POSTN: variants seen among roughly 807,000 people sequenced by gnomAD.
The protein encoded by POSTN is osteoblast specific factor 2 (fasciclin I-like).
Under a neutral mutation model 104.5 loss-of-function variants are expected in POSTN, and 71 were observed. The observed-to-expected ratio is 0.68, with a 90% CI of 0.56 to 0.83. POSTN has a LOEUF of 0.83. Ranked by LOEUF, POSTN falls within the 40% of genes least tolerant of loss-of-function variation. The probability of loss-of-function intolerance (pLI) is 0.00; values close to 1 mark genes in which losing one functional copy is unlikely to be tolerated. For missense variants in POSTN, 949 were observed against 1,006.8 expected (o/e 0.94, Z 0.78); for synonymous variants, 355 against 340.7 (o/e 1.04, Z -0.46).
chr13:37,577,712 T>C, intron 16 of POSTN, 41 bp downstream of exon 16: 1 of 1,599,998 alleles, frequency 6.3e-7, no homozygotes, highest in Non-Finnish European at 8.5e-7. Context: ...TCTTTTTTCA[T>C]ACCTTGCCAC....
At position 37,586,182 on chromosome 13, in the gene POSTN, T is replaced by A. The variant is rs1229743752; in HGVS notation, c.852A>T (p.Arg284=). 2 of 1,613,726 alleles carry A rather than the reference T, an allele frequency of 1.2e-6. No homozygotes were observed. The highest frequency in any genetic ancestry group is 4.5e-5 in the East Asian group (2 of 44,882). Residue 284 remains arginine, a synonymous_variant, in exon 7 of 23, where the codon CGA becomes CGT. Transcript: ENST00000379747. ...CTCCCATGATCCTTTCTAGGACACCTCGTGGAAGTTTCTCAAAAGCCTCAT... is the reference window on the plus strand; with the variant it reads ...CTCCCATGATCCTTTCTAGGACACCACGTGGAAGTTTCTCAAAAGCCTCAT... ...PTNEAFEKLP[R]GVLERIMGDK... is the part of the protein sequence containing the mutation.
chr13:37,598,163 T>G (rs1951138477), intron 1 of POSTN, among the ~76,000 whole-genome samples: 1 of 152,188 alleles, frequency 6.6e-6, no homozygotes, highest in Admixed American at 6.6e-5. Flanking sequence ...CATTACCCAG[T>G]ATTTAACCTT....
rs533781085 is a variant in POSTN, at chr13:37,568,445, G to C, written c.2431+855C>G. On this transcript the variant is annotated intron_variant, in intron 21 of 22. Transcript: ENST00000379747. ...GAAAAGCCATCTGGACTGTGTTTTG[G>C]ATAAACATCAAACTTCAGTTATGTT... 2.6e-5 allele frequency among the ~76,000 whole-genome samples: 4 copies of C among 152,048 alleles called. No individual in the cohort carries two copies. The South Asian group carries it at 8.3e-4, about 32-fold the overall frequency.
In POSTN at chr13:37,578,726, G is replaced by A. The variant is rs1042237081; in HGVS notation, c.1962+118C>T. 9.3e-5 allele frequency: 76 copies of A among 813,546 alleles called. No homozygotes were observed. In the Admixed American group the frequency reaches 1.8e-3, roughly 20 times the overall value. 50.4% of individuals were successfully genotyped at this position (813,546 alleles called of 1,614,324 possible). ...AGGCAGGAGAATGGAGTGAACATGG[G>A]AGGCGGAGCTTGCAGTGAGCTGAGA... is the stretch of plus-strand genomic sequence containing the variant. On this transcript the variant is annotated intron_variant, in intron 15 of 22. Coordinates refer to ENST00000379747, the MANE Select transcript of POSTN (RefSeq NM_006475.3).
Position 37,579,212 on chromosome 13 carries a change from C to A in POSTN, c.1791+17G>T, listed in dbSNP as rs1418752373. On this transcript the variant is annotated intron_variant, in intron 13 of 22. Transcript: ENST00000379747. Reference sequence around the variant, plus strand: ...TGATGGATGAACACTATCATAAATTCATTCTAGACAACTTACTTCTTTCAG... The same window carrying A: ...TGATGGATGAACACTATCATAAATTAATTCTAGACAACTTACTTCTTTCAG... The A allele has an allele frequency of 1.2e-6, 2 of 1,609,338 alleles. No individual in the cohort carries two copies. The highest frequency in any genetic ancestry group is 1.1e-5 in the South Asian group (1 of 90,922).
At position 37,563,202 on chromosome 13, in the gene POSTN, TCAGA is replaced by T; in HGVS notation, c.*127_*130del. 2.0e-6 allele frequency: 1 copy of T among 491,416 alleles called. No individual in the cohort carries two copies. 30.4% of individuals were successfully genotyped at this position (491,416 alleles called of 1,614,324 possible). A position where few individuals can be genotyped will look rare whatever the true frequency, so the allele number is the denominator to read the frequency against. On this transcript the variant is annotated 3_prime_UTR_variant, in exon 23 of 23. Transcript: ENST00000379747. ...AGAAAAAAAAATATTAAATTTGTGT[TCAGA>T]ATTATTTGATGATTGCTTCTTTGTG...
chr13:37,563,200 G>T lies in POSTN; in HGVS notation c.*133C>A. ...TCAGAAAAAAAAATATTAAATTTGT[G>T]TTCAGAATTATTTGATGATTGCTTC... On this transcript the variant is annotated 3_prime_UTR_variant, in exon 23 of 23. Transcript: ENST00000379747. 2.1e-6 allele frequency: 1 copy of T among 482,770 alleles called. No individual in the cohort carries two copies. 29.9% of individuals were successfully genotyped at this position (482,770 alleles called of 1,614,324 possible).
rs1950894079 is a variant in POSTN at position 37,590,428 on chromosome 13, T to C, written c.385A>G (p.Lys129Glu). Reference protein sequence around the residue: ...ASKLREEIEGKGSFTYFAPSN... With the variant: ...ASKLREEIEGEGSFTYFAPSN... Reference sequence around the variant, plus strand: ...GGTGCAAAGTAAGTGAAGGATCCCTTTCCCTCGATCTCCTCCCTCAGTTTT... The same window carrying C: ...GGTGCAAAGTAAGTGAAGGATCCCTCTCCCTCGATCTCCTCCCTCAGTTTT... The change falls in exon 4 of 23, where the codon AAG (lysine) becomes GAG (glutamate). Residue 129 changes from lysine (K) to glutamate (E), a missense_variant. Lys to Glu is a moderately conservative substitution (Grantham distance 56). Coordinates refer to ENST00000379747, the MANE Select transcript of POSTN (RefSeq NM_006475.3). The C allele has an allele frequency of 1.2e-6, 2 of 1,611,668 alleles. No individual in the cohort carries two copies. Among genetic ancestry groups the C allele is most frequent in the African/African-American group, 1.3e-5 (1 of 74,910 alleles).
intron 17 of POSTN, among the ~76,000 whole-genome samples, chr13:37,572,260 G>C (rs930888631): frequency 5.3e-5 from 8 of 151,654 alleles, no homozygotes; most frequent in African/African-American, 1.9e-4. Context: ...GAATGCAACT[G>C]TTGCTTGCTT....
rs777024371 is a variant in POSTN, at chr13:37,584,067, G to C, written c.1145C>G (p.Thr382Ser). 1.2e-6 allele frequency: 2 copies of C among 1,613,880 alleles called. No individual in the cohort carries two copies. Among genetic ancestry groups the C allele is most frequent in the East Asian group, 4.5e-5 (2 of 44,858 alleles). ...QVIELAGKQQTTFTDLVAQLG... is the reference protein window; with the variant it reads ...QVIELAGKQQSTFTDLVAQLG... ...TTGGGCCACAAGATCCGTGAAGGTG[G>C]TTTGCTGTTTTCCAGCCAGCTCAAT... is the stretch of plus-strand genomic sequence containing the variant. The change falls in exon 9 of 23, where the codon ACC becomes AGC. Residue 382 changes from threonine (T) to serine (S), a missense_variant. Physicochemically the swap from Thr to Ser is moderately conservative, Grantham distance 58 (BLOSUM62 1). Transcript: ENST00000379747.
intron 22 of POSTN, among the ~76,000 whole-genome samples, chr13:37,563,658 T>G (rs111608105): frequency 6.6e-6 from 1 of 152,220 alleles, no homozygotes; most frequent in African/African-American, 2.4e-5. Context: ...AAAATATCTG[T>G]GCAGTTGATC....
intron 21 of POSTN, among the ~76,000 whole-genome samples, chr13:37,567,587 T>C (rs1950151541): frequency 6.6e-6 from 1 of 152,150 alleles, no homozygotes; most frequent in Non-Finnish European, 1.5e-5. Flanking sequence ...GGAGAAATGA[T>C]TTGATAAAAA....
Position 37,587,947 on chromosome 13 carries a change from A to T in POSTN, c.481T>A (p.Leu161Ile). Residue 161 changes from leucine to isoleucine, a missense_variant, in exon 5 of 23, where the codon TTA becomes ATA. By Grantham distance (5) the Leu-to-Ile change is conservative (BLOSUM62 2). Coordinates refer to ENST00000379747, the MANE Select transcript of POSTN (RefSeq NM_006475.3). ...ATGTGACTATGTAAAGCATTCAGTA[A>T]TTCAACATTCACGTTGCTCTCCAAA... The part of the protein sequence containing the change: ...RGLESNVNVE[L>I]LNALHSHMIN... The T allele has an allele frequency of 6.2e-7, 1 of 1,604,504 alleles. No homozygotes were observed. Among genetic ancestry groups the T allele is most frequent in the Non-Finnish European group, 8.5e-7 (1 of 1,172,600 alleles).
chr13:37,563,261 G>A lies in POSTN; in HGVS notation c.*72C>T. On this transcript the variant is annotated 3_prime_UTR_variant, in exon 23 of 23. Coordinates refer to ENST00000379747, the MANE Select transcript of POSTN (RefSeq NM_006475.3). ...TGTTTCAGTTCCTGAAGTCAACTTGGCTCTCACAATTTTCTAAGGTCAGGT... is the reference window on the plus strand; with the variant it reads ...TGTTTCAGTTCCTGAAGTCAACTTGACTCTCACAATTTTCTAAGGTCAGGT... 2.0e-6 allele frequency: 2 copies of A among 980,992 alleles called. No individual in the cohort carries two copies. Among genetic ancestry groups the A allele is most frequent in the South Asian group, 1.7e-5 (1 of 57,624 alleles). The allele number at this position is 980,992 out of a possible 1,614,324, so 60.8% of individuals were successfully genotyped here. A position where few individuals can be genotyped will look rare whatever the true frequency, so the allele number is the denominator to read the frequency against.
At chr13:37,567,011 C>T (rs1034439044) in intron 21 of POSTN, among the ~76,000 whole-genome samples, 4 of 150,758 alleles carry the variant, frequency 2.7e-5, no homozygotes, top group Non-Finnish European at 4.4e-5. Context: ...CCGAGGCGGG[C>T]GGATCACGAG....
rs372244963 is a variant in POSTN, at chr13:37,574,588, A to G, written c.2073T>C (p.Pro691=). Residue 691 remains proline, a synonymous_variant, in exon 17 of 23, where the codon CCT becomes CCC. Coordinates refer to ENST00000379747, the MANE Select transcript of POSTN (RefSeq NM_006475.3). ...GATTTTTACCTTCAGTTTTGATAATAGGCTGAAGACTGCCTTCAATCACTT... is the reference window on the plus strand; with the variant it reads ...GATTTTTACCTTCAGTTTTGATAATGGGCTGAAGACTGCCTTCAATCACTT... ...KIKVIEGSLQ[P]IIKTEGPTLT... 5 of 1,593,648 alleles carry G rather than the reference A, an allele frequency of 3.1e-6. No individual in the cohort carries two copies. Among genetic ancestry groups the G allele is most frequent in the Non-Finnish European group, 4.3e-6 (5 of 1,173,726 alleles).
intron 4 of POSTN, among the ~76,000 whole-genome samples, chr13:37,588,898 G>A (rs1950839777): frequency 6.6e-6 from 1 of 152,156 alleles, no homozygotes; most frequent in African/African-American, 2.4e-5. Flanking sequence ...GCTTCAGGAA[G>A]GTTGAGTGGT....
rs781144049 is a variant in POSTN at position 37,598,746 on chromosome 13, G to T, written c.-20C>A. ...AATCATCTTGAGTCTCTCCGTTGCAGTTAGTCCCCGAAGAGAACTGGCAGT... is the reference window on the plus strand; with the variant it reads ...AATCATCTTGAGTCTCTCCGTTGCATTTAGTCCCCGAAGAGAACTGGCAGT... On this transcript the variant is annotated 5_prime_UTR_variant, in exon 1 of 23. In the 5' UTR this introduces an upstream ATG that the reference lacks. Coordinates refer to ENST00000379747, the MANE Select transcript of POSTN (RefSeq NM_006475.3). 6.2e-7 allele frequency: 1 copy of T among 1,610,990 alleles called. No individual in the cohort carries two copies. Among genetic ancestry groups the T allele is most frequent in the African/African-American group, 1.3e-5 (1 of 74,954 alleles).
intron 22 of POSTN, 76 bp from the exon 23 acceptor site, chr13:37,563,446 G>A: frequency 2.2e-6 from 2 of 897,326 alleles, no homozygotes; most frequent in Non-Finnish European, 1.6e-6. Context: ...ATTATTCTCT[G>A]TATATCTATC....
Sources: gnomAD v4.1 joint callset for allele counts (sites outside exome capture counted in the v4.1 genomes callset) on GRCh38, gnomAD v4.1.1 for gene constraint, MANE v1.5 for transcripts, NCBI Gene and HGNC (gene_info 2026-07-23, HGNC 2026-07-21) for gene names.